Variants in BIN2 observed in about 807,000 individuals in gnomAD.
The protein encoded by BIN2 is bridging integrator 2.
A neutral mutation model predicts 67.9 loss-of-function variants in BIN2; 43 were observed. The ratio of observed to expected loss-of-function variants is 0.63; its 90% CI spans 0.50 to 0.82. The LOEUF (loss-of-function observed/expected upper bound fraction) is 0.82, where lower values mean the gene tolerates loss of function less well. BIN2 is among the 40% of genes least tolerant of loss of function. The probability of loss-of-function intolerance (pLI) is 0.00; values close to 1 mark genes in which losing one functional copy is unlikely to be tolerated. For missense variants in BIN2, 581 were observed against 671.6 expected (o/e 0.87, Z 1.49); for synonymous variants, 244 against 246.8 (o/e 0.99, Z 0.11).
At chr12:51,320,003 C>T (rs1946229191) in intron 1 of BIN2, among the ~76,000 whole-genome samples, 1 of 151,878 alleles carries the variant, frequency 6.6e-6, no homozygotes, top group Non-Finnish European at 1.5e-5. Context: ...TTCTTACTTT[C>T]GAGACAGAGT....
chr12:51,292,427 A>T (rs1482134131), intron 9 of BIN2, 83 bp from the exon 10 acceptor site: 1 of 1,327,702 alleles, frequency 7.5e-7, no homozygotes, highest in East Asian at 2.3e-5. Flanking sequence ...GCATGTAATA[A>T]AAAAAAGAAT....
intron 11 of BIN2, among the ~76,000 whole-genome samples, chr12:51,285,193 C>T (rs145760070): frequency 6.6e-6 from 1 of 152,256 alleles, no homozygotes; most frequent in East Asian, 1.9e-4. Context: ...CTTAAGTGAT[C>T]CTAATTCATG....
At chr12:51,288,444 T>C (rs1945298175) in intron 10 of BIN2, among the ~76,000 whole-genome samples, 1 of 152,214 alleles carries the variant, frequency 6.6e-6, no homozygotes. Context: ...CTCTATAAAC[T>C]TGCAACTCAG....
At chr12:51,288,517 G>A (rs1477831789) in intron 10 of BIN2, among the ~76,000 whole-genome samples, 1 of 151,992 alleles carries the variant, frequency 6.6e-6, no homozygotes, top group Non-Finnish European at 1.5e-5. Context: ...TTACTAGATT[G>A]TAATTTTATT....
chr12:51,297,681 G>A lies in BIN2; in HGVS notation c.603-517C>T, dbSNP rs149486714. Among the ~76,000 whole-genome samples the A allele has an allele frequency of 9.2e-5, 14 of 152,318 alleles. No individual in the cohort carries two copies. In the East Asian group the frequency reaches 2.7e-3, roughly 29 times the overall value. On this transcript the variant is annotated intron_variant, in intron 7 of 12. Transcript: ENST00000615107. Reference sequence around the variant, plus strand: ...ATTCTTAGGAGCAGGAAGGCCAGGGGAGACAATATCAGCTCAGGCTGACAC... The same window carrying A: ...ATTCTTAGGAGCAGGAAGGCCAGGGAAGACAATATCAGCTCAGGCTGACAC...
At chr12:51,301,554 G>A (rs1010303431) in intron 5 of BIN2, among the ~76,000 whole-genome samples, 62 of 152,070 alleles carry the variant, frequency 4.1e-4, no homozygotes, top group African/African-American at 1.4e-3. Context: ...TGTCACCCAG[G>A]CTGGCGCACA....
intron 9 of BIN2, among the ~76,000 whole-genome samples, chr12:51,295,050 A>G (rs1945498606): frequency 6.6e-6 from 1 of 152,156 alleles, no homozygotes; most frequent in Non-Finnish European, 1.5e-5. Flanking sequence ...CTCCTGCTTC[A>G]GCCTCCTGAG....
chr12:51,323,793 C>G (rs1158516573), intron 1 of BIN2, among the ~76,000 whole-genome samples: 2 of 152,246 alleles, frequency 1.3e-5, no homozygotes, highest in African/African-American at 4.8e-5. Flanking sequence ...CCCAGCTTCC[C>G]TTATCCTTGC....
chr12:51,293,345 T>A (rs1342840750), intron 9 of BIN2, among the ~76,000 whole-genome samples: 1 of 152,222 alleles, frequency 6.6e-6, no homozygotes, highest in Non-Finnish European at 1.5e-5. Flanking sequence ...AGTCTCGCTC[T>A]GTCGCCCAGG....
chr12:51,322,118 G>A (rs1946297898), intron 1 of BIN2, among the ~76,000 whole-genome samples: 1 of 151,858 alleles, frequency 6.6e-6, no homozygotes, highest in Non-Finnish European at 1.5e-5. Flanking sequence ...GAACCTGAGA[G>A]ACTGGTTCTG....
chr12:51,322,146 ACT>A (rs34941777), intron 1 of BIN2, among the ~76,000 whole-genome samples: 32,169 of 152,018 alleles, frequency 0.21, 4,055 homozygotes, highest in Middle Eastern at 0.32. Flanking sequence ...GAAGTATTTG[ACT>A]CTGAGTCTAA....
chr12:51,299,232 T>C lies in BIN2; in HGVS notation c.573A>G (p.Leu191=), dbSNP rs1430372293. 5 of 1,613,766 alleles carry C rather than the reference T, an allele frequency of 3.1e-6. No homozygotes were observed. The highest frequency in any genetic ancestry group is 3.4e-6 in the Non-Finnish European group (4 of 1,179,628). ...TATAAAGAATAGGCAGCTCCTCTAG[T>C]AGTTCTTGGTTCAGATCTTCAAACA... The part of the protein sequence containing the change: ...QTVFEDLNQE[L]LEELPILYNS... Residue 191 remains leucine (L), a synonymous_variant, in exon 7 of 13, where the codon CTA becomes CTG. Coordinates refer to ENST00000615107, the MANE Select transcript of BIN2 (RefSeq NM_016293.4).
chr12:51,299,979 T>C (rs1037421085), intron 5 of BIN2, among the ~76,000 whole-genome samples: 2 of 152,048 alleles, frequency 1.3e-5, no homozygotes, highest in Admixed American at 1.3e-4. Context: ...GCTGGAATTA[T>C]AGGCATGTGC....
intron 10 of BIN2, among the ~76,000 whole-genome samples, chr12:51,291,173 A>AAACC (rs1052736378): frequency 3.3e-5 from 5 of 151,994 alleles, no homozygotes; most frequent in African/African-American, 1.2e-4. Context: ...ACAAACAAAC[A>AAACC]AAAAAAAGTC....
At chr12:51,300,674 T>A (rs1401535118) in intron 5 of BIN2, among the ~76,000 whole-genome samples, 1 of 152,178 alleles carries the variant, frequency 6.6e-6, no homozygotes, top group Non-Finnish European at 1.5e-5. Context: ...AACCGTTTCA[T>A]TCTCTCAGTC....
intron 1 of BIN2, among the ~76,000 whole-genome samples, chr12:51,319,659 G>T (rs1946216906): frequency 1.3e-5 from 2 of 152,126 alleles, no homozygotes; most frequent in Admixed American, 1.3e-4. Flanking sequence ...AGTAAATGTG[G>T]CAAAACGTTA....
intron 4 of BIN2, 44 bp from the exon 5 acceptor site, chr12:51,302,159 C>T (rs779161940): frequency 2.4e-5 from 34 of 1,412,380 alleles, no homozygotes; most frequent in Non-Finnish European, 3.1e-5. Flanking sequence ...CACTTCCCAA[C>T]AACAACTGCC....
At chr12:51,292,378 T>TA in intron 9 of BIN2, 34 bp from the exon 10 acceptor site, 2 of 1,519,244 alleles carry the variant, frequency 1.3e-6, no homozygotes, top group Non-Finnish European at 1.8e-6. Flanking sequence ...TCAGAACGGC[T>TA]AAAAACCAGA....
chr12:51,305,593 C>T (rs1279456257), intron 2 of BIN2, among the ~76,000 whole-genome samples: 2 of 149,870 alleles, frequency 1.3e-5, no homozygotes, highest in African/African-American at 4.9e-5. Context: ...CACTGTACTC[C>T]ACCCTGGGCA....
Sources: allele counts gnomAD v4.1 joint callset (sites outside exome capture counted in the v4.1 genomes callset), GRCh38; gene constraint gnomAD v4.1.1; transcripts MANE v1.5; gene names NCBI Gene and HGNC (gene_info 2026-07-23, HGNC 2026-07-21).